RAD51AP1: variants seen among roughly 807,000 people sequenced by gnomAD.
The protein encoded by RAD51AP1 is RAD51 associated protein 1.
In RAD51AP1, 14 loss-of-function variants were observed where a neutral mutation model predicts 34.3. The observed-to-expected ratio is 0.41, with a 90% CI of 0.27 to 0.64. The LOEUF (loss-of-function observed/expected upper bound fraction) is 0.64, where lower values mean the gene tolerates loss of function less well. Among genes scored for constraint, RAD51AP1 ranks in the 30% least tolerant of loss-of-function variants. The pLI is 0.33. For synonymous variants in RAD51AP1, 114 were observed against 129.8 expected, an observed-to-expected ratio of 0.88 and a Z score of 0.83; for missense variants, 348 against 386.9, an observed-to-expected ratio of 0.90 and a Z score of 0.84.
At chr12:4,540,463 A>G (rs1272405934) in intron 1 of RAD51AP1, among the ~76,000 whole-genome samples, 1 of 152,072 alleles carries the variant, frequency 6.6e-6, no homozygotes. Flanking sequence ...AGTGACCCCG[A>G]TAAAACTGCT....
At chr12:4,554,645 C>A (rs1056610791) in intron 7 of RAD51AP1, among the ~76,000 whole-genome samples, 4 of 152,136 alleles carry the variant, frequency 2.6e-5, no homozygotes, top group African/African-American at 9.7e-5. Context: ...TCCCTTGGAG[C>A]AAGTTGCTTC....
At chr12:4,542,801 A>T (rs1332370066) in intron 2 of RAD51AP1, among the ~76,000 whole-genome samples, 1 of 152,234 alleles carries the variant, frequency 6.6e-6, no homozygotes, top group Non-Finnish European at 1.5e-5. Context: ...TTTTACGTTG[A>T]CAGTCAAGAG....
rs183290158 is a variant in RAD51AP1 at position 4,559,224 on chromosome 12, C to T, written c.*231C>T. On this transcript the variant is annotated 3_prime_UTR_variant, in exon 9 of 9. Coordinates refer to ENST00000352618, the MANE Select transcript of RAD51AP1 (RefSeq NM_006479.5). ...TTCTCATACCTTTCCTTGTGAAGAG[C>T]GTATTCTGTTTTTCTATCAGTTCGA... The T allele has an allele frequency of 8.1e-5, 34 of 417,264 alleles. No individual in the cohort carries two copies. Among genetic ancestry groups the T allele is most frequent in the Non-Finnish European group, 1.1e-4 (27 of 238,210 alleles). The allele number at this position is 417,264 out of a possible 1,614,324, so 25.8% of individuals were successfully genotyped here.
chr12:4,556,356 CTT>C lies in RAD51AP1; in HGVS notation c.726_727del (p.Ser243GlyfsTer27). The C allele has an allele frequency of 5.6e-6, 9 of 1,609,394 alleles. No homozygotes were observed. Among genetic ancestry groups the C allele is most frequent in the Non-Finnish European group, 7.6e-6 (9 of 1,178,192 alleles). ...TTACGTATATTTTTCAAATAAGTGA[CTT>C]CGGTGGACTCTGCTCCAGCTGCCGT... On this transcript the variant is annotated frameshift_variant, in exon 8 of 9. Transcript: ENST00000352618. LOFTEE classifies it high-confidence loss of function.
rs554014003 is a variant in RAD51AP1, at chr12:4,547,654, C to T, written c.320-438C>T. Among the ~76,000 whole-genome samples the T allele has an allele frequency of 1.6e-4, 24 of 152,190 alleles. No homozygotes were observed. In the East Asian group the frequency reaches 2.9e-3, roughly 18 times the overall value. On this transcript the variant is annotated intron_variant, in intron 4 of 8. Coordinates refer to ENST00000352618, the MANE Select transcript of RAD51AP1 (RefSeq NM_006479.5). ...TTGGGTCATTTTAAGGTTATTATAA[C>T]GATTGGAGAGTTCTTAACGTTAGTA... is the stretch of plus-strand genomic sequence containing the variant.
chr12:4,547,033 CTTTTT>C (rs986646150), intron 4 of RAD51AP1, among the ~76,000 whole-genome samples: 1 of 152,112 alleles, frequency 6.6e-6, no homozygotes, highest in African/African-American at 2.4e-5. Context: ...ATACATGGAG[CTTTTT>C]TCTTTGTTTC....
intron 1 of RAD51AP1, among the ~76,000 whole-genome samples, chr12:4,541,421 T>G (rs922263330): frequency 9.2e-5 from 14 of 152,102 alleles, no homozygotes; most frequent in Non-Finnish European, 1.3e-4. Flanking sequence ...GTCAAGAAAT[T>G]TATAATCTAG....
At chr12:4,545,190 T>A (rs1343275638) in intron 3 of RAD51AP1, 21 of 452,540 alleles carry the variant, frequency 4.6e-5, no homozygotes, top group South Asian at 3.0e-4. Context: ...AAGTAAAATG[T>A]GGTTTCCACA....
chr12:4,548,872 G>A, intron 6 of RAD51AP1, 36 bp downstream of exon 6: 2 of 1,598,554 alleles, frequency 1.3e-6, no homozygotes, highest in Non-Finnish European at 1.7e-6. Context: ...AATTCTATGG[G>A]AATTCAGTCA....
chr12:4,547,130 T>C (rs1234076101), intron 4 of RAD51AP1, among the ~76,000 whole-genome samples: 1 of 152,214 alleles, frequency 6.6e-6, no homozygotes, highest in Non-Finnish European at 1.5e-5. Context: ...TACAGTGGCA[T>C]GATCATGGCT....
At chr12:4,548,605 C>T (rs1384258991) in intron 5 of RAD51AP1, 82 bp from the exon 6 acceptor site, 7 of 1,456,774 alleles carry the variant, frequency 4.8e-6, no homozygotes, top group Admixed American at 1.9e-5. Context: ...AAAACAATAG[C>T]TGTAATAGAG....
intron 1 of RAD51AP1, among the ~76,000 whole-genome samples, chr12:4,540,691 C>A (rs1428380331): frequency 6.6e-6 from 1 of 151,944 alleles, no homozygotes; most frequent in Non-Finnish European, 1.5e-5. Flanking sequence ...TATTCAAGTT[C>A]AGAATTTATA....
intron 1 of RAD51AP1, among the ~76,000 whole-genome samples, chr12:4,539,460 G>C (rs1944438736): frequency 6.6e-6 from 1 of 152,134 alleles, no homozygotes; most frequent in Non-Finnish European, 1.5e-5. Flanking sequence ...ACAGTTGAGT[G>C]CCATGGAAGC....
At chr12:4,540,143 C>T (rs1211730126) in intron 1 of RAD51AP1, among the ~76,000 whole-genome samples, 5 of 152,062 alleles carry the variant, frequency 3.3e-5, no homozygotes, top group Non-Finnish European at 5.9e-5. Flanking sequence ...GAGATGACTC[C>T]ACAATAGTTT....
chr12:4,541,206 G>C (rs1028453864), intron 1 of RAD51AP1, among the ~76,000 whole-genome samples: 2 of 151,980 alleles, frequency 1.3e-5, no homozygotes, highest in Admixed American at 1.3e-4. Context: ...TTCAGATTTG[G>C]GATGCTCAGC....
chr12:4,543,829 A>C lies in RAD51AP1; in HGVS notation c.134A>C (p.Gln45Pro). The C allele has an allele frequency of 6.2e-7, 1 of 1,612,732 alleles. No individual in the cohort carries two copies. The highest frequency in any genetic ancestry group is 8.5e-7 in the Non-Finnish European group (1 of 1,178,942). The change falls in exon 3 of 9, where the codon CAA becomes CCA. Residue 45 changes from glutamine to proline, a missense_variant. Gln to Pro is a moderately conservative substitution (Grantham distance 76). Coordinates refer to ENST00000352618, the MANE Select transcript of RAD51AP1 (RefSeq NM_006479.5). Reference sequence around the variant, plus strand: ...AGAACAGCACCAAAGGAGTTAAAACAAGATAAACCAAAACCTAACTTGAAC... The same window carrying C: ...AGAACAGCACCAAAGGAGTTAAAACCAGATAAACCAAAACCTAACTTGAAC... ...KSRTAPKELKQDKPKPNLNNL... is the reference protein window; with the variant it reads ...KSRTAPKELKPDKPKPNLNNL...
At chr12:4,556,092 C>T (rs1233188265) in intron 7 of RAD51AP1, among the ~76,000 whole-genome samples, 1 of 152,156 alleles carries the variant, frequency 6.6e-6, no homozygotes, top group Non-Finnish European at 1.5e-5. Context: ...TCTCTGTTTC[C>T]TTCTCTGAGA....
At chr12:4,541,845 G>T in intron 1 of RAD51AP1, 39 bp from the exon 2 acceptor site, 1 of 1,175,028 alleles carries the variant, frequency 8.5e-7, no homozygotes, top group Non-Finnish European at 1.2e-6. Flanking sequence ...GTGAGAAATT[G>T]ACATTTGTGT....
intron 4 of RAD51AP1, among the ~76,000 whole-genome samples, chr12:4,547,695 C>T (rs1385039136): frequency 6.6e-6 from 1 of 152,136 alleles, no homozygotes; most frequent in Non-Finnish European, 1.5e-5. Flanking sequence ...ATGGATTTGC[C>T]TACACAGAAT....
Sources: gnomAD v4.1 joint callset for allele counts (sites outside exome capture counted in the v4.1 genomes callset) on GRCh38, gnomAD v4.1.1 for gene constraint, MANE v1.5 for transcripts, NCBI Gene and HGNC (gene_info 2026-07-23, HGNC 2026-07-21) for gene names.